CELF4: variants seen among roughly 807,000 people sequenced by gnomAD.
The protein encoded by CELF4 is CUG-BP- and ETR-3-like factor 4.
CELF4 carries 18 observed loss-of-function variants against 59.9 expected under a neutral mutation model. The observed-to-expected ratio is 0.30, with a 90% confidence interval of 0.21 to 0.45. The LOEUF is 0.45. CELF4 is among the 20% of genes least tolerant of loss of function. The pLI is 1.00. For missense variants in CELF4, 456 were observed against 689.0 expected, an observed-to-expected ratio of 0.66 and a Z score of 3.79; for synonymous variants, 261 against 267.1, an observed-to-expected ratio of 0.98 and a Z score of 0.22.
At chr18:37,405,260 G>T (rs2099372640) in intron 2 of CELF4, among the ~76,000 whole-genome samples, 1 of 152,236 alleles carries the variant, frequency 6.6e-6, no homozygotes, top group Admixed American at 6.5e-5. Flanking sequence ...GGGCCTCCCT[G>T]TGTGGGAGGA....
At chr18:37,541,770 G>A (rs140658510) in intron 1 of CELF4, among the ~76,000 whole-genome samples, 6 of 151,900 alleles carry the variant, frequency 3.9e-5, no homozygotes, top group African/African-American at 1.2e-4. Context: ...TCTCTCTGCT[G>A]GAAGTGCTTT....
chr18:37,277,439 A>C (rs917493045), intron 3 of CELF4, among the ~76,000 whole-genome samples: 25 of 152,126 alleles, frequency 1.6e-4, no homozygotes, highest in African/African-American at 6.0e-4. Context: ...CACTTACTCC[A>C]GGCTCTGGGG....
chr18:37,553,925 G>A (rs2099984003), intron 1 of CELF4, among the ~76,000 whole-genome samples: 1 of 152,176 alleles, frequency 6.6e-6, no homozygotes, highest in Non-Finnish European at 1.5e-5. Flanking sequence ...GAGGGCAGGC[G>A]ACAGCTGGAG....
intron 2 of CELF4, among the ~76,000 whole-genome samples, chr18:37,424,714 G>A (rs528751046): frequency 1.7e-3 from 261 of 152,220 alleles, no homozygotes; most frequent in African/African-American, 5.7e-3. Flanking sequence ...CCCCAGCTAC[G>A]TGGTTACCAG....
chr18:37,289,622 G>T (rs1450766618), intron 3 of CELF4, among the ~76,000 whole-genome samples: 2 of 152,012 alleles, frequency 1.3e-5, no homozygotes, highest in African/African-American at 4.8e-5. Flanking sequence ...TGTCCTGACA[G>T]TGGGCTCTGT....
chr18:37,460,676 C>T (rs1048067344), intron 2 of CELF4, among the ~76,000 whole-genome samples: 6 of 152,192 alleles, frequency 3.9e-5, no homozygotes, highest in South Asian at 4.1e-4. Flanking sequence ...CAGATGCATG[C>T]GAATTCATGT....
chr18:37,414,341 T>A (rs904651933), intron 2 of CELF4, among the ~76,000 whole-genome samples: 2 of 151,626 alleles, frequency 1.3e-5, no homozygotes, highest in Non-Finnish European at 2.9e-5. Flanking sequence ...CATCCATCCA[T>A]CTATCTACCC....
intron 2 of CELF4, among the ~76,000 whole-genome samples, chr18:37,485,110 G>C (rs1358321069): frequency 6.6e-6 from 1 of 152,184 alleles, no homozygotes; most frequent in Non-Finnish European, 1.5e-5. Context: ...ACGAGGGCTG[G>C]CTCCTTAAAT....
At chr18:37,258,101 G>C (rs2071297773) in intron 11 of CELF4, among the ~76,000 whole-genome samples, 1 of 152,002 alleles carries the variant, frequency 6.6e-6, no homozygotes, top group African/African-American at 2.4e-5. Flanking sequence ...AATTTAACTG[G>C]CCATCTATAT....
intron 3 of CELF4, among the ~76,000 whole-genome samples, chr18:37,314,327 C>T (rs2096783467): frequency 6.6e-6 from 1 of 152,170 alleles, no homozygotes; most frequent in South Asian, 2.1e-4. Context: ...TGGTGGCGGG[C>T]ACCTGTAATC....
chr18:37,504,226 C>T (rs2099934964), intron 1 of CELF4, among the ~76,000 whole-genome samples: 1 of 152,128 alleles, frequency 6.6e-6, no homozygotes, highest in African/African-American at 2.4e-5. Flanking sequence ...CACAGTGGCT[C>T]ACGCCTGTAA....
intron 2 of CELF4, among the ~76,000 whole-genome samples, chr18:37,342,489 T>C (rs1391849334): frequency 6.6e-6 from 1 of 152,106 alleles, no homozygotes; most frequent in Non-Finnish European, 1.5e-5. Flanking sequence ...GTGAGAGGCC[T>C]CTGAGAGGCA....
Position 37,390,948 on chromosome 18 carries a change from G to A in CELF4, c.370-69067C>T, listed in dbSNP as rs186715751. 4.1e-3 allele frequency among the ~76,000 whole-genome samples: 618 copies of A among 152,210 alleles called. 3 individuals carry two copies. The highest frequency in any genetic ancestry group is 0.014 in the African/African-American group (590 of 41,548). ...AATGGAATGGAGCAGAGGGGCAGCC[G>A]CTGCAGGGAGCGGGCCACCCGTCCT... On this transcript the variant is annotated intron_variant, in intron 2 of 12. Transcript: ENST00000420428.
At chr18:37,366,400 C>G (rs183592198) in intron 2 of CELF4, among the ~76,000 whole-genome samples, 1 of 152,182 alleles carries the variant, frequency 6.6e-6, no homozygotes, top group East Asian at 1.9e-4. Flanking sequence ...AACTCCGAAC[C>G]TCACACAAGT....
At chr18:37,328,567 C>A (rs961594083) in intron 2 of CELF4, among the ~76,000 whole-genome samples, 1 of 152,202 alleles carries the variant, frequency 6.6e-6, no homozygotes, top group African/African-American at 2.4e-5. Flanking sequence ...CCCAAACAGA[C>A]ATAATTTGCA....
intron 10 of CELF4, among the ~76,000 whole-genome samples, chr18:37,263,475 A>C (rs1162763031): frequency 1.3e-5 from 2 of 152,086 alleles, no homozygotes; most frequent in East Asian, 3.9e-4. Flanking sequence ...CTGCAGGGGC[A>C]GATTTGGTGC....
chr18:37,427,580 G>A (rs1317267841), intron 2 of CELF4, among the ~76,000 whole-genome samples: 1 of 152,060 alleles, frequency 6.6e-6, no homozygotes, highest in Non-Finnish European at 1.5e-5. Flanking sequence ...CCCCAGCCCT[G>A]ACCCCCAACC....
intron 2 of CELF4, among the ~76,000 whole-genome samples, chr18:37,334,287 T>G (rs2097682189): frequency 6.6e-6 from 1 of 152,180 alleles, no homozygotes; most frequent in Non-Finnish European, 1.5e-5. Flanking sequence ...CTGCCCCCAG[T>G]GCTGGGCCAC....
chr18:37,485,503 C>A, intron 2 of CELF4, 22 bp downstream of exon 2: 1 of 1,330,520 alleles, frequency 7.5e-7, no homozygotes, highest in East Asian at 3.1e-5. Context: ...CGGCCGCTTG[C>A]GCCACGGCGG....
Sources: allele counts gnomAD v4.1 joint callset (sites outside exome capture counted in the v4.1 genomes callset), GRCh38; gene constraint gnomAD v4.1.1; transcripts MANE v1.5; gene names NCBI Gene and HGNC (gene_info 2026-07-23, HGNC 2026-07-21).